Variants in TRIT1 observed in about 807,000 individuals in gnomAD.
TRIT1 encodes tRNA dimethylallyltransferase.
TRIT1 carries 43 observed loss-of-function variants against 51.2 expected under a neutral mutation model. The observed-to-expected ratio is 0.84, with a 90% CI of 0.66 to 1.08. The LOEUF is 1.08. TRIT1 is among the 50% of genes least tolerant of loss of function. The pLI, the probability that TRIT1 is intolerant of heterozygous loss-of-function variation, is 0.00. For synonymous variants in TRIT1, 184 were observed against 203.9 expected (o/e 0.90, Z 0.83); for missense variants, 528 against 578.4 (o/e 0.91, Z 0.89).
Position 39,883,347 on chromosome 1 carries a change from C to T in TRIT1, c.145G>A (p.Gly49Ser), listed in dbSNP as rs143304108. Residue 49 changes from glycine to serine, a missense_variant, in exon 1 of 11, where the codon GGT becomes AGT. Coordinates refer to ENST00000316891, the MANE Select transcript of TRIT1 (RefSeq NM_017646.6). ...ATGGAGTCAGCGCTGACGATCTCAC[C>T]GCCGAGCCGCTGGCCTAGCTGCAAC... is the stretch of plus-strand genomic sequence containing the variant. ...LALQLGQRLG[G>S]EIVSADSMQV... is the part of the protein sequence containing the mutation. The T allele has an allele frequency of 6.2e-7, 1 of 1,610,648 alleles. No individual in the cohort carries two copies. The highest frequency in any genetic ancestry group is 1.3e-5 in the African/African-American group (1 of 74,826).
chr1:39,847,411 TTGG>T lies in TRIT1; in HGVS notation c.929-117_929-115del, dbSNP rs1003830607. 55 of 1,431,948 alleles carry T rather than the reference TTGG, an allele frequency of 3.8e-5. No homozygotes were observed. In the African/African-American group the frequency reaches 7.5e-4, roughly 20 times the overall value. The allele number at this position is 1,431,948 out of a possible 1,614,324, so 88.7% of individuals were successfully genotyped here. Reference sequence around the variant, plus strand: ...CAGCCACGGCAGTGCAATGTCAGACTTGGTGGACAAAAATCTCAGTTCTGAGCT... The same window carrying T: ...CAGCCACGGCAGTGCAATGTCAGACTTGGACAAAAATCTCAGTTCTGAGCT... On this transcript the variant is annotated intron_variant, in intron 7 of 10. Coordinates refer to ENST00000316891, the MANE Select transcript of TRIT1 (RefSeq NM_017646.6).
chr1:39,844,071 G>C (rs769362318), intron 10 of TRIT1, 30 bp downstream of exon 10: 1 of 1,524,276 alleles, frequency 6.6e-7, no homozygotes, highest in South Asian at 1.1e-5. Flanking sequence ...CACCCTTATA[G>C]ATTTCTTCAT....
chr1:39,846,597 AC>A (rs1447686828), intron 8 of TRIT1, among the ~76,000 whole-genome samples: 5 of 152,156 alleles, frequency 3.3e-5, no homozygotes, highest in African/African-American at 1.2e-4. Flanking sequence ...AAGTTATTTA[AC>A]TTCACTAGGC....
rs577968876 is a variant in TRIT1, at chr1:39,845,073, G to A, written c.1007-433C>T. Among the ~76,000 whole-genome samples the A allele has an allele frequency of 3.7e-3, 569 of 152,330 alleles. 2 individuals carry two copies. The highest frequency in any genetic ancestry group is 0.013 in the African/African-American group (539 of 41,582). On this transcript the variant is annotated intron_variant, in intron 8 of 10. Transcript: ENST00000316891. ...TTCTTTAGGAGCAGATACTAGTCTC[G>A]GGTTTGCATATATTCCCTCAGCGGC...
intron 1 of TRIT1, among the ~76,000 whole-genome samples, chr1:39,858,643 C>T (rs1277277538): frequency 6.6e-6 from 1 of 152,160 alleles, no homozygotes; most frequent in Non-Finnish European, 1.5e-5. Flanking sequence ...ACTCAGAAGG[C>T]TCTATGCTCT....
At chr1:39,859,793 T>C (rs894763039) in intron 1 of TRIT1, among the ~76,000 whole-genome samples, 4 of 152,186 alleles carry the variant, frequency 2.6e-5, no homozygotes, top group Non-Finnish European at 5.9e-5. Context: ...TTAAGTATGT[T>C]ACAGTAAAAA....
chr1:39,869,448 C>A (rs6684783), intron 1 of TRIT1, among the ~76,000 whole-genome samples: 5,245 of 152,284 alleles, frequency 0.034, 316 homozygotes, highest in African/African-American at 0.12. Context: ...GATCTTGGCT[C>A]GCTACAACCT....
At chr1:39,843,636 G>A (rs1357138447) in intron 10 of TRIT1, among the ~76,000 whole-genome samples, 1 of 152,142 alleles carries the variant, frequency 6.6e-6, no homozygotes, top group Non-Finnish European at 1.5e-5. Context: ...TTACTGAAGA[G>A]ATACCACTTT....
rs1162475624 is a variant in TRIT1, at chr1:39,882,868, A to G, written c.174+450T>C. Among the ~76,000 whole-genome samples the G allele has an allele frequency of 1.3e-5, 2 of 152,210 alleles. 1 individual carries two copies. The highest frequency in any genetic ancestry group is 2.9e-5 in the Non-Finnish European group (2 of 68,038). On this transcript the variant is annotated intron_variant, in intron 1 of 10. Coordinates refer to ENST00000316891, the MANE Select transcript of TRIT1 (RefSeq NM_017646.6). ...ACTGTCAACCCTATTCCACTCCCCC[A>G]GCAGACACCATAGGTGGTATCCAAT...
intron 1 of TRIT1, among the ~76,000 whole-genome samples, chr1:39,869,222 C>T (rs534777317): frequency 6.8e-4 from 104 of 152,304 alleles, no homozygotes; most frequent in African/African-American, 2.3e-3. Flanking sequence ...CCTGCTTCAG[C>T]CTGCCGAGTG....
In TRIT1 at chr1:39,859,470, G is replaced by A. The variant is rs146309222; in HGVS notation, c.175-2053C>T. Among the ~76,000 whole-genome samples the A allele has an allele frequency of 1.8e-3, 265 of 150,426 alleles. 1 individual carries two copies. Among genetic ancestry groups the A allele is most frequent in the African/African-American group, 4.0e-3 (163 of 40,930 alleles). ...TGTGGTGACACACACCTGTAGTTCC[G>A]CTACTGGGGAGGCTGAGGTGGGAGG... On this transcript the variant is annotated intron_variant, in intron 1 of 10. Coordinates refer to ENST00000316891, the MANE Select transcript of TRIT1 (RefSeq NM_017646.6).
In TRIT1 at chr1:39,847,576, C is replaced by T. The variant is rs754202076; in HGVS notation, c.900G>A (p.Leu300=). 1 of 1,614,222 alleles carries T rather than the reference C, an allele frequency of 6.2e-7. No individual in the cohort carries two copies. Among genetic ancestry groups the T allele is most frequent in the East Asian group, 2.2e-5 (1 of 44,884 alleles). ...EYLITEGKCT[L]ETSNQLLKKG... ...TCTTTAGAAGCTGGTTACTAGTCTCCAGTGTGCATTTTCCCTCAGTGATCA... is the reference window on the plus strand; with the variant it reads ...TCTTTAGAAGCTGGTTACTAGTCTCTAGTGTGCATTTTCCCTCAGTGATCA... The change falls in exon 7 of 11, where the codon CTG becomes CTA. Residue 300 remains leucine, a synonymous_variant. Transcript: ENST00000316891.
Position 39,838,676 on chromosome 1 carries a change from A to G in TRIT1, c.*3068T>C, listed in dbSNP as rs1484462883. On this transcript the variant is annotated 3_prime_UTR_variant, in exon 11 of 11. Coordinates refer to ENST00000316891, the MANE Select transcript of TRIT1 (RefSeq NM_017646.6). ...TATATGTAAGTATGTATGTATGTAT[A>G]TATTTGTGCTGACTGGGTCTCACCA... Among the ~76,000 whole-genome samples the G allele has an allele frequency of 2.0e-5, 3 of 152,148 alleles. No homozygotes were observed. The highest frequency in any genetic ancestry group is 6.5e-5 in the Admixed American group (1 of 15,278).
intron 1 of TRIT1, chr1:39,862,782 A>G (rs945807383): frequency 1.0e-6 from 1 of 985,406 alleles, no homozygotes; most frequent in Non-Finnish European, 1.2e-6. Context: ...AATCTCTTAC[A>G]CTTACCCTAT....
intron 1 of TRIT1, 86 bp from the exon 2 acceptor site, chr1:39,857,503 C>G (rs1642970746): frequency 6.7e-7 from 1 of 1,483,174 alleles, no homozygotes; most frequent in Non-Finnish European, 9.2e-7. Flanking sequence ...ATCTATTTCT[C>G]CCTCCTGCCA....
At chr1:39,877,019 CAAAAAAAA>C (rs529375001) in intron 1 of TRIT1, among the ~76,000 whole-genome samples, 67 of 74,600 alleles carry the variant, frequency 9.0e-4, no homozygotes, top group Non-Finnish European at 1.3e-3. Context: ...AATGGGTCTT[CAAAAAAAA>C]AAAAAAAAAA....
intron 8 of TRIT1, 31 bp from the exon 9 acceptor site, chr1:39,844,671 T>C (rs1569964539): frequency 6.5e-7 from 1 of 1,531,948 alleles, no homozygotes; most frequent in African/African-American, 1.4e-5. Flanking sequence ...TTGTGAGAGG[T>C]CAGCCTCAAA....
intron 5 of TRIT1, 144 bp downstream of exon 5, chr1:39,849,975 T>C: frequency 1.2e-6 from 1 of 853,660 alleles, no homozygotes; most frequent in East Asian, 2.7e-5. Flanking sequence ...AGCCAACAAA[T>C]AATGATAATG....
chr1:39,864,089 T>C (rs551890040), intron 1 of TRIT1, among the ~76,000 whole-genome samples: 2 of 152,080 alleles, frequency 1.3e-5, no homozygotes, highest in South Asian at 4.1e-4. Flanking sequence ...TTTTGCTATG[T>C]TGGCCAGGCT....
Sources: gnomAD v4.1 joint callset for allele counts (sites outside exome capture counted in the v4.1 genomes callset) on GRCh38, gnomAD v4.1.1 for gene constraint, MANE v1.5 for transcripts, NCBI Gene and HGNC (gene_info 2026-07-23, HGNC 2026-07-21) for gene names.